GRXCR1: variants seen among roughly 807,000 people sequenced by gnomAD.
The protein encoded by GRXCR1 is glutaredoxin and cysteine rich domain containing 1, also known as glutaredoxin domain-containing cysteine-rich protein 1.
In GRXCR1, 27 loss-of-function variants were observed where a neutral mutation model predicts 27.3. That is an observed-to-expected ratio of 0.99 (90% confidence interval 0.73 to 1.37). The LOEUF (loss-of-function observed/expected upper bound fraction) is 1.37, where lower values mean the gene tolerates loss of function less well. GRXCR1 is among the 40% of genes most tolerant of loss of function. The probability of loss-of-function intolerance (pLI) is 0.00; values close to 1 mark genes in which losing one functional copy is unlikely to be tolerated. For synonymous variants in GRXCR1, 122 were observed against 131.1 expected (o/e 0.93, Z 0.47); for missense variants, 379 against 354.4 (o/e 1.07, Z -0.56).
intron 1 of GRXCR1, among the ~76,000 whole-genome samples, chr4:42,956,867 T>C (rs1748016515): frequency 6.6e-6 from 1 of 152,124 alleles, no homozygotes; most frequent in South Asian, 2.1e-4. Flanking sequence ...CCAGGTTTAG[T>C]GCAACTCCTT....
In GRXCR1 at chr4:42,923,971, CCAA is replaced by C. The variant is rs553814720; in HGVS notation, c.384+30324_384+30326del. ...TTTATATTAAAAAGTAAACCACTCA[CCAA>C]CATCATTGCAGTTATTGGTAATAAA... On this transcript the variant is annotated intron_variant, in intron 1 of 3. Coordinates refer to ENST00000399770, the MANE Select transcript of GRXCR1 (RefSeq NM_001080476.3). Among the ~76,000 whole-genome samples, 12 of 152,204 alleles carry C rather than the reference CCAA, an allele frequency of 7.9e-5. No individual in the cohort carries two copies. The South Asian group carries it at 2.5e-3, about 32-fold the overall frequency.
chr4:43,026,930 A>G (rs2109810646), intron 3 of GRXCR1, among the ~76,000 whole-genome samples: 1 of 152,322 alleles, frequency 6.6e-6, no homozygotes, highest in African/African-American at 2.4e-5. Context: ...TCTTTCCAGC[A>G]CTATTCTCCA....
At chr4:42,914,993 G>A (rs896158281) in intron 1 of GRXCR1, among the ~76,000 whole-genome samples, 1 of 152,082 alleles carries the variant, frequency 6.6e-6, no homozygotes, top group Admixed American at 6.6e-5. Context: ...GGCCTTGTAA[G>A]TTCCCCAGCC....
chr4:42,905,146 T>C (rs548049321), intron 1 of GRXCR1, among the ~76,000 whole-genome samples: 17 of 152,310 alleles, frequency 1.1e-4, no homozygotes, highest in African/African-American at 4.1e-4. Flanking sequence ...GTCTTGGCTT[T>C]GGCCCCTACC....
intron 2 of GRXCR1, among the ~76,000 whole-genome samples, chr4:42,993,823 T>C (rs1712056342): frequency 6.6e-6 from 1 of 152,162 alleles, no homozygotes; most frequent in Non-Finnish European, 1.5e-5. Flanking sequence ...ACTAATAAGT[T>C]ACTTATTAGG....
At chr4:43,020,327 T>C in intron 2 of GRXCR1, 27 bp from the exon 3 acceptor site, 4 of 1,499,042 alleles carry the variant, frequency 2.7e-6, no homozygotes, top group South Asian at 1.1e-5. Flanking sequence ...AAAATGGATT[T>C]TTCTCCCTAC....
intron 1 of GRXCR1, among the ~76,000 whole-genome samples, chr4:42,952,577 A>T (rs1484870388): frequency 6.6e-6 from 1 of 152,170 alleles, no homozygotes; most frequent in Non-Finnish European, 1.5e-5. Flanking sequence ...AGAAATAAGA[A>T]ATAAAAGAAT....
Position 43,010,351 on chromosome 4 carries a change from C to G in GRXCR1, c.628-10003C>G, listed in dbSNP as rs577892784. Reference sequence around the variant, plus strand: ...CTGGGAGGCAGAGGTTGCAGTGAGCCGAGATCGCACCATTGCACTCCAGCC... The same window carrying G: ...CTGGGAGGCAGAGGTTGCAGTGAGCGGAGATCGCACCATTGCACTCCAGCC... On this transcript the variant is annotated intron_variant, in intron 2 of 3. Transcript: ENST00000399770. 4.0e-5 allele frequency among the ~76,000 whole-genome samples: 6 copies of G among 150,314 alleles called. No individual in the cohort carries two copies. The South Asian group carries it at 1.3e-3, about 32-fold the overall frequency.
intron 1 of GRXCR1, among the ~76,000 whole-genome samples, chr4:42,954,726 G>A (rs1488620777): frequency 2.0e-5 from 3 of 152,112 alleles, no homozygotes; most frequent in Admixed American, 6.6e-5. Flanking sequence ...TGGTCCAAAT[G>A]TGAGGAGGGG....
At chr4:42,986,715 C>G (rs1711735461) in intron 2 of GRXCR1, among the ~76,000 whole-genome samples, 1 of 152,060 alleles carries the variant, frequency 6.6e-6, no homozygotes, top group African/African-American at 2.4e-5. Context: ...AAACAAATGC[C>G]TAATGTTATT....
intron 1 of GRXCR1, among the ~76,000 whole-genome samples, chr4:42,912,014 A>T (rs1746731571): frequency 6.6e-6 from 1 of 152,146 alleles, no homozygotes; most frequent in African/African-American, 2.4e-5. Flanking sequence ...GAGGATTCAA[A>T]AAGTGAGCCA....
chr4:43,006,572 C>T (rs1035300064), intron 2 of GRXCR1, among the ~76,000 whole-genome samples: 6 of 152,252 alleles, frequency 3.9e-5, no homozygotes, highest in African/African-American at 1.2e-4. Context: ...GAAATTCCCA[C>T]CTAATAAATT....
At chr4:42,993,692 G>T (rs1018356024) in intron 2 of GRXCR1, among the ~76,000 whole-genome samples, 3 of 152,092 alleles carry the variant, frequency 2.0e-5, no homozygotes, top group African/African-American at 7.2e-5. Context: ...TAATCGGGTT[G>T]TATGAGTACT....
chr4:42,922,466 G>A (rs563150989), intron 1 of GRXCR1, among the ~76,000 whole-genome samples: 17 of 152,248 alleles, frequency 1.1e-4, no homozygotes, highest in South Asian at 6.2e-4. Flanking sequence ...ATGGGCTCAC[G>A]AAGAAGCCCA....
intron 1 of GRXCR1, among the ~76,000 whole-genome samples, chr4:42,954,297 GTAGGGATGAGTAATGGAATTTC>G (rs1462835106): frequency 1.3e-5 from 2 of 152,108 alleles, no homozygotes; most frequent in African/African-American, 4.8e-5. Context: ...AGAAGAAAGC[GTAGGGATGAGTAATGGAATTTC>G]TAGGACTGTC....
chr4:42,896,046 C>G (rs1746340134), intron 1 of GRXCR1, among the ~76,000 whole-genome samples: 1 of 152,076 alleles, frequency 6.6e-6, no homozygotes, highest in Admixed American at 6.6e-5. Flanking sequence ...ATTGAAGAAA[C>G]AGTGAGGCTT....
intron 2 of GRXCR1, among the ~76,000 whole-genome samples, chr4:42,976,740 A>T (rs1211164514): frequency 6.6e-6 from 1 of 152,050 alleles, no homozygotes; most frequent in Non-Finnish European, 1.5e-5. Context: ...TGATGTTTTG[A>T]AGTATATATA....
intron 1 of GRXCR1, among the ~76,000 whole-genome samples, chr4:42,932,611 TATATATATAGAGAGAGAGAGAGAGAG>T (rs1398509290): frequency 4.4e-5 from 2 of 45,646 alleles, no homozygotes; most frequent in East Asian, 6.1e-4. Flanking sequence ...TATATATATA[TATATATATAGAGAGAGAGAGAGAGAG>T]AGAGAGAGAG....
intron 2 of GRXCR1, among the ~76,000 whole-genome samples, chr4:42,998,000 G>T (rs1712229007): frequency 6.6e-6 from 1 of 152,070 alleles, no homozygotes; most frequent in African/African-American, 2.4e-5. Context: ...AAATAGAAGA[G>T]AATAATACTT....
Sources: allele counts gnomAD v4.1 joint callset (sites outside exome capture counted in the v4.1 genomes callset), GRCh38; gene constraint gnomAD v4.1.1; transcripts MANE v1.5; gene names NCBI Gene and HGNC (gene_info 2026-07-23, HGNC 2026-07-21).